HTR2A: variants seen among roughly 807,000 people sequenced by gnomAD.
The protein encoded by HTR2A is 5-HT2 receptor.
HTR2A carries 14 observed loss-of-function variants against 31.0 expected under a neutral mutation model. The observed-to-expected ratio is 0.45, with a 90% CI of 0.30 to 0.71. HTR2A has a LOEUF of 0.71. Among genes scored for constraint, HTR2A ranks in the 30% least tolerant of loss-of-function variants. The pLI, the probability that HTR2A is intolerant of heterozygous loss-of-function variation, is 0.09. For missense variants in HTR2A, 442 were observed against 573.3 expected (o/e 0.77, Z 2.34); for synonymous variants, 209 against 225.2 (o/e 0.93, Z 0.64).
chr13:46,861,575 G>T (rs1386709906), intron 3 of HTR2A, among the ~76,000 whole-genome samples: 1 of 152,154 alleles, frequency 6.6e-6, no homozygotes, highest in African/African-American at 2.4e-5. Flanking sequence ...TGTCTGTTTG[G>T]ATCTATCAAG....
intron 3 of HTR2A, among the ~76,000 whole-genome samples, chr13:46,859,762 C>T (rs550330710): frequency 3.3e-5 from 5 of 152,230 alleles, no homozygotes; most frequent in African/African-American, 1.2e-4. Context: ...CCGATTAAAC[C>T]GCTTTTCTTT....
rs1876348303 is a variant in HTR2A at position 46,834,116 on chromosome 13, C to A, written c.*721G>T. 1 of 152,752 alleles carries A rather than the reference C, an allele frequency of 6.5e-6. No homozygotes were observed. Among genetic ancestry groups the A allele is most frequent in the South Asian group, 2.1e-4 (1 of 4,830 alleles). The allele number at this position is 152,752 out of a possible 1,614,324, so 9.5% of individuals were successfully genotyped here. A position where few individuals can be genotyped will look rare whatever the true frequency, so the allele number is the denominator to read the frequency against. ...GGAACAAATATTAAACAAGACCACA[C>A]TGGAAATTCAGAGTAAAGCACAAGA... On this transcript the variant is annotated 3_prime_UTR_variant, in exon 4 of 4. Coordinates refer to ENST00000542664, the MANE Select transcript of HTR2A (RefSeq NM_000621.5).
chr13:46,880,593 C>G (rs1021047512), intron 3 of HTR2A, among the ~76,000 whole-genome samples: 1 of 152,154 alleles, frequency 6.6e-6, no homozygotes, highest in African/African-American at 2.4e-5. Context: ...AATCCCTGCA[C>G]TTTGGGAGGC....
chr13:46,832,400 A>G lies in HTR2A; in HGVS notation c.*2437T>C, dbSNP rs1331064695. 1 of 152,232 alleles carries G rather than the reference A, an allele frequency of 6.6e-6. No individual in the cohort carries two copies. Among genetic ancestry groups the G allele is most frequent in the Non-Finnish European group, 1.5e-5 (1 of 68,022 alleles). The allele number at this position is 152,232 out of a possible 1,614,324, so 9.4% of individuals were successfully genotyped here. A position where few individuals can be genotyped will look rare whatever the true frequency, so the allele number is the denominator to read the frequency against. On this transcript the variant is annotated 3_prime_UTR_variant, in exon 4 of 4. Coordinates refer to ENST00000542664, the MANE Select transcript of HTR2A (RefSeq NM_000621.5). ...ACAGCTACACATTTGCCTATACAGT[A>G]TACACTTGAATAGATACTTATGGAA...
chr13:46,871,316 AG>A (rs1950862111), intron 3 of HTR2A, among the ~76,000 whole-genome samples: 1 of 152,224 alleles, frequency 6.6e-6, no homozygotes. Context: ...AAGTGAAATC[AG>A]TAATGAAAAT....
rs1951092808 is a variant in HTR2A, at chr13:46,895,354, G to A, written c.412+141C>T. ...ATCCCATTTTAAGAGTAAAATATAA[G>A]TAACATAGTAGGCTCTAGTCTATAA... On this transcript the variant is annotated intron_variant, in intron 2 of 3. Coordinates refer to ENST00000542664, the MANE Select transcript of HTR2A (RefSeq NM_000621.5). The surrounding 1 kb of genome is among the most constrained non-coding windows in gnomAD (Gnocchi z 4.4). 1.4e-6 allele frequency: 1 copy of A among 709,762 alleles called. No homozygotes were observed. The highest frequency in any genetic ancestry group is 3.0e-5 in the Admixed American group (1 of 33,790). 44.0% of individuals were successfully genotyped at this position (709,762 alleles called of 1,614,324 possible). A position where few individuals can be genotyped will look rare whatever the true frequency, so the allele number is the denominator to read the frequency against.
chr13:46,883,798 A>G (rs1373417517), intron 3 of HTR2A, among the ~76,000 whole-genome samples: 1 of 152,164 alleles, frequency 6.6e-6, no homozygotes, highest in Non-Finnish European at 1.5e-5. Context: ...ACCCCGCAGG[A>G]TTATTCTTAA....
intron 3 of HTR2A, among the ~76,000 whole-genome samples, chr13:46,855,499 G>A (rs960289942): frequency 1.3e-5 from 2 of 151,942 alleles, no homozygotes; most frequent in African/African-American, 2.4e-5. Context: ...GGGTGGATGG[G>A]GAAGGTGCTC....
At chr13:46,880,198 T>A (rs1235520052) in intron 3 of HTR2A, among the ~76,000 whole-genome samples, 1 of 152,144 alleles carries the variant, frequency 6.6e-6, no homozygotes, top group East Asian at 1.9e-4. Context: ...GGGTTTTGGT[T>A]AGGCCAATGA....
chr13:46,890,967 C>T (rs980681202), intron 3 of HTR2A, among the ~76,000 whole-genome samples: 2 of 152,138 alleles, frequency 1.3e-5, no homozygotes, highest in East Asian at 1.9e-4. Context: ...CACTTTCTTG[C>T]TCTTAGTAGA....
At chr13:46,880,447 A>G (rs1950951269) in intron 3 of HTR2A, among the ~76,000 whole-genome samples, 1 of 152,166 alleles carries the variant, frequency 6.6e-6, no homozygotes, top group Non-Finnish European at 1.5e-5. Context: ...CAACACAAGT[A>G]CCCTGTCCCT....
At chr13:46,849,695 T>C (rs1478257002) in intron 3 of HTR2A, among the ~76,000 whole-genome samples, 1 of 152,220 alleles carries the variant, frequency 6.6e-6, no homozygotes, top group Non-Finnish European at 1.5e-5. Flanking sequence ...TCCATGTAAA[T>C]GCCCTCTCCC....
intron 3 of HTR2A, among the ~76,000 whole-genome samples, chr13:46,838,587 A>T (rs1412678755): frequency 6.6e-6 from 1 of 152,184 alleles, no homozygotes; most frequent in Admixed American, 6.6e-5. Flanking sequence ...GAGACTAAAA[A>T]GACTTTTGGC....
chr13:46,888,044 T>A (rs1951021960), intron 3 of HTR2A, among the ~76,000 whole-genome samples: 1 of 150,158 alleles, frequency 6.7e-6, no homozygotes, highest in Non-Finnish European at 1.5e-5. Context: ...AACCTGCACA[T>A]CCTGCACATG....
At chr13:46,847,954 T>G (rs932372681) in intron 3 of HTR2A, among the ~76,000 whole-genome samples, 4 of 152,166 alleles carry the variant, frequency 2.6e-5, no homozygotes, top group Non-Finnish European at 4.4e-5. Flanking sequence ...TTACCCACTG[T>G]TTCCTAGAGC....
At chr13:46,855,144 T>C (rs1566306133) in intron 3 of HTR2A, among the ~76,000 whole-genome samples, 1 of 152,166 alleles carries the variant, frequency 6.6e-6, no homozygotes, top group Non-Finnish European at 1.5e-5. Flanking sequence ...ATACCTTGAT[T>C]CCCAGAATTC....
chr13:46,881,230 C>T (rs2770304), intron 3 of HTR2A, among the ~76,000 whole-genome samples: 98,048 of 152,062 alleles, frequency 0.64, 31,727 homozygotes, highest in East Asian at 0.68. Flanking sequence ...AGGGTCACTG[C>T]ACTCAGGGAC....
intron 3 of HTR2A, among the ~76,000 whole-genome samples, chr13:46,850,198 T>C (rs551748344): frequency 6.6e-6 from 1 of 152,320 alleles, no homozygotes; most frequent in South Asian, 2.1e-4. Context: ...TAATCATCCA[T>C]CTTTACATGC....
chr13:46,897,951 C>T (rs1353373125), upstream of HTR2A, among the ~76,000 whole-genome samples: 1 of 152,184 alleles, frequency 6.6e-6, no homozygotes, highest in Non-Finnish European at 1.5e-5. Flanking sequence ...CTTGTTCCTA[C>T]CCATTGGCTT....
Sources: allele counts gnomAD v4.1 joint callset (sites outside exome capture counted in the v4.1 genomes callset), GRCh38; gene constraint gnomAD v4.1.1; non-coding constraint Gnocchi (gnomAD v3.1); transcripts MANE v1.5; gene names NCBI Gene and HGNC (gene_info 2026-07-23, HGNC 2026-07-21).